PTPRO: variants seen among roughly 807,000 people sequenced by gnomAD.
PTPRO encodes protein tyrosine phosphatase receptor type O, also known as receptor-type tyrosine-protein phosphatase O.
In PTPRO, 62 loss-of-function variants were observed where a neutral mutation model predicts 145.2. The observed-to-expected ratio is 0.43, with a 90% CI of 0.35 to 0.53. The LOEUF (loss-of-function observed/expected upper bound fraction) is 0.53, where lower values mean the gene tolerates loss of function less well. Among genes scored for constraint, PTPRO ranks in the 20% least tolerant of loss-of-function variants. The probability of loss-of-function intolerance (pLI) is 0.01; values close to 1 mark genes in which losing one functional copy is unlikely to be tolerated. For synonymous variants in PTPRO, 565 were observed against 514.7 expected (o/e 1.10, Z -1.32); for missense variants, 1,345 against 1,482.7 (o/e 0.91, Z 1.53).
chr12:15,433,377 G>GT (rs1940504546), intron 1 of PTPRO, among the ~76,000 whole-genome samples: 2 of 152,126 alleles, frequency 1.3e-5, no homozygotes, highest in Admixed American at 6.5e-5. Flanking sequence ...TAGAGACAGG[G>GT]TTTCACCGTG....
chr12:15,452,165 A>T (rs1941063265), intron 1 of PTPRO, among the ~76,000 whole-genome samples: 1 of 152,222 alleles, frequency 6.6e-6, no homozygotes, highest in Non-Finnish European at 1.5e-5. Context: ...AGGAGATATT[A>T]CAACTGACAC....
intron 14 of PTPRO, among the ~76,000 whole-genome samples, chr12:15,550,140 C>G (rs1214351512): frequency 6.6e-6 from 1 of 152,108 alleles, no homozygotes; most frequent in Non-Finnish European, 1.5e-5. Context: ...TACTCATAGG[C>G]TACTGTTGAC....
chr12:15,548,852 A>T (rs1943374100), intron 13 of PTPRO, among the ~76,000 whole-genome samples: 1 of 152,168 alleles, frequency 6.6e-6, no homozygotes, highest in African/African-American at 2.4e-5. Context: ...ATATGTTCAT[A>T]CATCCATAAA....
In PTPRO at chr12:15,513,100, A is replaced by AAAG. The variant is rs1491117661; in HGVS notation, c.1465-2395_1465-2393dup. Among the ~76,000 whole-genome samples, 63 of 15,278 alleles carry AAAG rather than the reference A, an allele frequency of 4.1e-3. 3 individuals carry two copies. Among genetic ancestry groups the AAAG allele is most frequent in the Admixed American group, 0.01 (8 of 774 alleles). The allele number at this position is 15,278 out of a possible 152,430, so 10.0% of individuals were successfully genotyped here. A position where few individuals can be genotyped will look rare whatever the true frequency, so the allele number is the denominator to read the frequency against. Reference sequence around the variant, plus strand: ...AGAAAGAAAGAAAGAAAGAAGAAAGAAAGAAAGAAAGGAAGGAAGGAAGGA... The same window carrying AAAG: ...AGAAAGAAAGAAAGAAAGAAGAAAGAAAGAAGAAAGAAAGGAAGGAAGGAAGGA... On this transcript the variant is annotated intron_variant, in intron 7 of 26. Coordinates refer to ENST00000281171, the MANE Select transcript of PTPRO (RefSeq NM_030667.3).
At chr12:15,459,807 T>C (rs1209786006) in intron 1 of PTPRO, among the ~76,000 whole-genome samples, 3 of 152,164 alleles carry the variant, frequency 2.0e-5, no homozygotes, top group Non-Finnish European at 2.9e-5. Context: ...AAAAACTAAA[T>C]CGTAAAGTAT....
intron 19 of PTPRO, among the ~76,000 whole-genome samples, chr12:15,575,361 A>G (rs1944158962): frequency 6.6e-6 from 1 of 152,160 alleles, no homozygotes; most frequent in Non-Finnish European, 1.5e-5. Flanking sequence ...CACCTCTGTG[A>G]GCAGGCTAGT....
At chr12:15,333,893 C>A (rs1202044968) in intron 1 of PTPRO, among the ~76,000 whole-genome samples, 1 of 152,050 alleles carries the variant, frequency 6.6e-6, no homozygotes. Flanking sequence ...TGTAATGAAG[C>A]AAAAGCATAG....
At chr12:15,562,737 A>T (rs1391776439) in intron 17 of PTPRO, among the ~76,000 whole-genome samples, 1 of 119,296 alleles carries the variant, frequency 8.4e-6, no homozygotes, top group Admixed American at 9.9e-5. Context: ...ATTCAGTGTT[A>T]AATCTTTTTT....
intron 1 of PTPRO, among the ~76,000 whole-genome samples, chr12:15,469,850 T>C (rs1941500711): frequency 6.6e-6 from 1 of 152,108 alleles, no homozygotes; most frequent in African/African-American, 2.4e-5. Context: ...ACAAATTTTG[T>C]AGAAACATTA....
intron 17 of PTPRO, among the ~76,000 whole-genome samples, chr12:15,560,725 C>A (rs1277257687): frequency 6.6e-6 from 1 of 152,078 alleles, no homozygotes; most frequent in Non-Finnish European, 1.5e-5. Flanking sequence ...TATTAAACAG[C>A]TGACTATACG....
chr12:15,439,141 G>A (rs1210788546), intron 1 of PTPRO, among the ~76,000 whole-genome samples: 1 of 152,116 alleles, frequency 6.6e-6, no homozygotes, highest in African/African-American at 2.4e-5. Context: ...TTAAAGAAAA[G>A]AAATTCCAAC....
intron 1 of PTPRO, among the ~76,000 whole-genome samples, chr12:15,359,977 CTA>C (rs1180639439): frequency 1.3e-5 from 2 of 152,118 alleles, no homozygotes; most frequent in African/African-American, 4.8e-5. Flanking sequence ...TTTGCTTTTC[CTA>C]TGTCTCAAGT....
chr12:15,464,140 A>T (rs1238502161), intron 1 of PTPRO, among the ~76,000 whole-genome samples: 13 of 152,170 alleles, frequency 8.5e-5, no homozygotes, highest in Non-Finnish European at 1.6e-4. Context: ...AGTGAGAAAA[A>T]AGAGGCACAG....
intron 1 of PTPRO, among the ~76,000 whole-genome samples, chr12:15,353,892 C>T (rs1937894163): frequency 6.6e-6 from 1 of 152,156 alleles, no homozygotes; most frequent in African/African-American, 2.4e-5. Context: ...GGTTACAATT[C>T]TTCAAAGGAA....
intron 1 of PTPRO, among the ~76,000 whole-genome samples, chr12:15,458,495 C>A (rs1033762596): frequency 1.3e-5 from 2 of 151,830 alleles, no homozygotes; most frequent in Non-Finnish European, 2.9e-5. Flanking sequence ...TGATGGTGCC[C>A]TATAAGTCCC....
intron 1 of PTPRO, among the ~76,000 whole-genome samples, chr12:15,425,716 A>AT (rs34774765): frequency 0.73 from 111,353 of 151,866 alleles, 40,929 homozygotes; most frequent in East Asian, 0.77. Context: ...GAAATGATAA[A>AT]TTATTGCAAA....
At chr12:15,576,188 T>C (rs1591759383) in intron 19 of PTPRO, among the ~76,000 whole-genome samples, 1 of 152,324 alleles carries the variant, frequency 6.6e-6, no homozygotes, top group East Asian at 1.9e-4. Context: ...AATTTCCATA[T>C]GGTTGGAAAG....
At chr12:15,514,198 C>G (rs2136497788) in intron 7 of PTPRO, among the ~76,000 whole-genome samples, 1 of 152,110 alleles carries the variant, frequency 6.6e-6, no homozygotes, top group South Asian at 2.1e-4. Context: ...TGCCTGTAAT[C>G]CTAGCACTTT....
intron 14 of PTPRO, among the ~76,000 whole-genome samples, chr12:15,550,379 G>C (rs2135558492): frequency 6.6e-6 from 1 of 152,208 alleles, no homozygotes; most frequent in African/African-American, 2.4e-5. Flanking sequence ...GGAAGAGGAG[G>C]GTTTGGTCTT....
Sources: gnomAD v4.1 joint callset for allele counts (sites outside exome capture counted in the v4.1 genomes callset) on GRCh38, gnomAD v4.1.1 for gene constraint, MANE v1.5 for transcripts, NCBI Gene and HGNC (gene_info 2026-07-23, HGNC 2026-07-21) for gene names.